The following CUX2 variants were observed in gnomAD, a reference collection of about 807,000 sequenced individuals.
The protein encoded by CUX2 is cut like homeobox 2.
Under a neutral mutation model 144.8 loss-of-function variants are expected in CUX2, and 40 were observed. The observed-to-expected ratio is 0.28, with a 90% confidence interval of 0.21 to 0.36. CUX2 has a LOEUF of 0.36. Ranked by LOEUF, CUX2 falls within the 10% of genes least tolerant of loss-of-function variation. The pLI is 1.00. For missense variants in CUX2, 1,615 were observed against 1,994.0 expected (o/e 0.81, Z 3.62); for synonymous variants, 827 against 875.6 (o/e 0.94, Z 0.98).
chr12:111,142,391 G>A (rs1013372085), intron 1 of CUX2, among the ~76,000 whole-genome samples: 1 of 152,030 alleles, frequency 6.6e-6, no homozygotes, highest in Admixed American at 6.6e-5. Flanking sequence ...TACTATATTA[G>A]AAAAGTCTTC....
chr12:111,287,292 G>A lies in CUX2; in HGVS notation c.302-4126G>A, dbSNP rs1885436579. ...GGCCAGCAGGGCCCCTGGGCCACGA[G>A]CCGGATCCTCCCCCTCCTTGGAACC... On this transcript the variant is annotated intron_variant, in intron 4 of 21. Transcript: ENST00000261726. This position sits in a 1 kb window ranked among gnomAD's most constrained non-coding sequence, Gnocchi z 4.2. Among the ~76,000 whole-genome samples the A allele has an allele frequency of 6.6e-6, 1 of 152,248 alleles. No individual in the cohort carries two copies. The highest frequency in any genetic ancestry group is 6.5e-5 in the Admixed American group (1 of 15,294).
intron 21 of CUX2, among the ~76,000 whole-genome samples, chr12:111,345,138 G>C (rs914266894): frequency 2.8e-4 from 42 of 151,038 alleles, no homozygotes; most frequent in African/African-American, 1.0e-3. Context: ...TAAAAAAATG[G>C]TTTTGCCATT....
chr12:111,181,155 G>C (rs1174502590), intron 1 of CUX2, among the ~76,000 whole-genome samples: 1 of 152,248 alleles, frequency 6.6e-6, no homozygotes, highest in Non-Finnish European at 1.5e-5. Flanking sequence ...AGCCGCCTTT[G>C]GGGTGGTCTG....
intron 19 of CUX2, among the ~76,000 whole-genome samples, chr12:111,337,344 C>T (rs1462178183): frequency 6.9e-6 from 1 of 144,696 alleles, no homozygotes; most frequent in African/African-American, 2.6e-5. Context: ...TAGAGTGAGA[C>T]CCTGTCTCAA....
chr12:111,330,330 C>T (rs1422165788), intron 18 of CUX2, among the ~76,000 whole-genome samples: 1 of 152,158 alleles, frequency 6.6e-6, no homozygotes, highest in African/African-American at 2.4e-5. Context: ...CTGTGACTAA[C>T]TTGTAGTCCT....
chr12:111,072,685 A>T (rs946512449), intron 1 of CUX2, among the ~76,000 whole-genome samples: 1 of 152,228 alleles, frequency 6.6e-6, no homozygotes, highest in Non-Finnish European at 1.5e-5. Flanking sequence ...GGCTGGATGG[A>T]TAAAATACCT....
rs187804352 is a variant in CUX2 at position 111,232,142 on chromosome 12, G to T, written c.222+14205G>T. ...CAATCAGTGTCATACAGAGGCAGAGGTTGCAGTGAGCCGAGATCGCGCCAC... is the reference window on the plus strand; with the variant it reads ...CAATCAGTGTCATACAGAGGCAGAGTTTGCAGTGAGCCGAGATCGCGCCAC... On this transcript the variant is annotated intron_variant, in intron 3 of 21. Coordinates refer to ENST00000261726, the MANE Select transcript of CUX2 (RefSeq NM_015267.4). Among the ~76,000 whole-genome samples, 615 of 152,052 alleles carry T rather than the reference G, an allele frequency of 4.0e-3. 3 individuals are homozygous for T. Among genetic ancestry groups the T allele is most frequent in the African/African-American group, 0.014 (596 of 41,446 alleles).
At chr12:111,094,466 G>A (rs1206291572) in intron 1 of CUX2, among the ~76,000 whole-genome samples, 1 of 152,246 alleles carries the variant, frequency 6.6e-6, no homozygotes, top group Admixed American at 6.5e-5. Context: ...TTCCCCCTGT[G>A]CCCCGGTTGC....
intron 9 of CUX2, among the ~76,000 whole-genome samples, chr12:111,303,117 A>G (rs2136355298): frequency 6.8e-6 from 1 of 146,832 alleles, no homozygotes; most frequent in East Asian, 2.1e-4. Context: ...GTTACTCAGG[A>G]GGCTGAGATG....
chr12:111,125,467 C>T (rs954163768), intron 1 of CUX2, among the ~76,000 whole-genome samples: 1 of 152,238 alleles, frequency 6.6e-6, no homozygotes, highest in Non-Finnish European at 1.5e-5. Flanking sequence ...GCATGTGCCA[C>T]TGCGCCCGGC....
chr12:111,302,252 C>G (rs1215268522), intron 9 of CUX2, among the ~76,000 whole-genome samples: 3 of 152,156 alleles, frequency 2.0e-5, no homozygotes, highest in Admixed American at 2.0e-4. Context: ...AAAAATACAG[C>G]CACAGCTCTT....
chr12:111,327,098 C>A (rs1459593913), intron 18 of CUX2, among the ~76,000 whole-genome samples: 3 of 152,178 alleles, frequency 2.0e-5, no homozygotes, highest in Admixed American at 6.6e-5. Flanking sequence ...CCTCCTTCCC[C>A]CCAGCTCCTG....
intron 1 of CUX2, among the ~76,000 whole-genome samples, chr12:111,128,019 G>A (rs1371438309): frequency 1.3e-5 from 2 of 152,166 alleles, no homozygotes; most frequent in African/African-American, 4.8e-5. Flanking sequence ...GGGACACAGA[G>A]CCAAACCATA....
intron 16 of CUX2, among the ~76,000 whole-genome samples, chr12:111,317,176 C>A (rs1026775850): frequency 3.9e-5 from 6 of 152,170 alleles, no homozygotes; most frequent in African/African-American, 1.4e-4. Context: ...GAAAGCTACA[C>A]AGAGATAATG....
rs540471007 is a variant in CUX2, at chr12:111,312,251, G to A, written c.2002+50G>A. ...GCCTGAGGCCCCCGGGGCCAGCTGCGAACAGGAGATGAGGCTTCGTCTACC... is the reference window on the plus strand; with the variant it reads ...GCCTGAGGCCCCCGGGGCCAGCTGCAAACAGGAGATGAGGCTTCGTCTACC... On this transcript the variant is annotated intron_variant, in intron 16 of 21. Coordinates refer to ENST00000261726, the MANE Select transcript of CUX2 (RefSeq NM_015267.4). This position sits in a 1 kb window ranked among gnomAD's most constrained non-coding sequence, Gnocchi z 4.3. 163 of 1,490,674 alleles carry A rather than the reference G, an allele frequency of 1.1e-4. 1 individual carries two copies. In the South Asian group the frequency reaches 1.1e-3, roughly 10 times the overall value. The allele number at this position is 1,490,674 out of a possible 1,614,324, so 92.3% of individuals were successfully genotyped here.
At chr12:111,110,521 G>A (rs7308944) in intron 1 of CUX2, among the ~76,000 whole-genome samples, 4,149 of 152,244 alleles carry the variant, frequency 0.027, 199 homozygotes, top group African/African-American at 0.095. Context: ...TACATTTGAG[G>A]TTAAAACTCA....
intron 20 of CUX2, among the ~76,000 whole-genome samples, chr12:111,340,340 G>T (rs1888525548): frequency 6.6e-6 from 1 of 152,170 alleles, no homozygotes; most frequent in African/African-American, 2.4e-5. Context: ...CAGTCAGTAA[G>T]TCATTTAAGT....
chr12:111,111,128 C>T (rs1277137003), intron 1 of CUX2, among the ~76,000 whole-genome samples: 1 of 152,108 alleles, frequency 6.6e-6, no homozygotes, highest in Admixed American at 6.6e-5. Context: ...ATGGTGAAAC[C>T]CCATCTCTAC....
chr12:111,073,305 T>C (rs1482198498), intron 1 of CUX2, among the ~76,000 whole-genome samples: 1 of 152,126 alleles, frequency 6.6e-6, no homozygotes, highest in Admixed American at 6.5e-5. Flanking sequence ...CATTATGTTC[T>C]CAAGATTCAC....
Sources: allele counts gnomAD v4.1 joint callset (sites outside exome capture counted in the v4.1 genomes callset), GRCh38; gene constraint gnomAD v4.1.1; non-coding constraint Gnocchi (gnomAD v3.1); transcripts MANE v1.5; gene names NCBI Gene and HGNC (gene_info 2026-07-23, HGNC 2026-07-21).